The following EP400 variants were observed in gnomAD, a reference collection of about 807,000 sequenced individuals.
EP400 encodes E1A binding protein p400.
In EP400, 105 loss-of-function variants were observed where a neutral mutation model predicts 354.1. The ratio of observed to expected loss-of-function variants is 0.30; its 90% CI spans 0.25 to 0.35. EP400 has a LOEUF of 0.35. Ranked by LOEUF, EP400 falls within the 10% of genes least tolerant of loss-of-function variation. The probability of loss-of-function intolerance (pLI) is 1.00; values close to 1 mark genes in which losing one functional copy is unlikely to be tolerated. For synonymous variants in EP400, 1,646 were observed against 1,716.9 expected (o/e 0.96, Z 1.02); for missense variants, 3,280 against 4,121.0 (o/e 0.80, Z 5.59).
chr12:132,066,247 G>A (rs1895886982), intron 48 of EP400: 1 of 154,518 alleles, frequency 6.5e-6, no homozygotes, highest in Admixed American at 6.5e-5. Flanking sequence ...AGTTTGAGGA[G>A]TGTGGGTAAT....
chr12:132,053,661 C>G (rs1443011425), intron 43 of EP400, 64 bp downstream of exon 43: 3 of 1,424,462 alleles, frequency 2.1e-6, no homozygotes, highest in Non-Finnish European at 2.7e-6. Flanking sequence ...GCACTTGATT[C>G]AAGTGCTTTC....
chr12:131,985,629 C>CG (rs1187961759), intron 5 of EP400, among the ~76,000 whole-genome samples: 1 of 152,102 alleles, frequency 6.6e-6, no homozygotes, highest in Non-Finnish European at 1.5e-5. Context: ...TTTTTTGAGA[C>CG]GGAGTTTTGC....
chr12:132,062,370 C>A (rs201849116), intron 46 of EP400, 47 bp downstream of exon 46: 1 of 1,611,208 alleles, frequency 6.2e-7, no homozygotes, highest in South Asian at 1.1e-5. Flanking sequence ...TGCTCTGGCG[C>A]GTGTGAGGGC....
At position 131,982,406 on chromosome 12, in the gene EP400, A is replaced by G. The variant is rs1290132102; in HGVS notation, c.1857A>G (p.Ala619=). The change falls in exon 5 of 53, where the codon GCA becomes GCG. Residue 619 remains alanine, a synonymous_variant. Coordinates refer to ENST00000389561, the MANE Select transcript of EP400 (RefSeq NM_015409.5). Reference sequence around the variant, plus strand: ...TCCCCATCCCTCCCTCGCAGCCTGCACAGCTGGCCCTCCACGTTCCCACAC... The same window carrying G: ...TCCCCATCCCTCCCTCGCAGCCTGCGCAGCTGGCCCTCCACGTTCCCACAC... ...SQLPIPPSQP[A]QLALHVPTPG... 6.2e-7 allele frequency: 1 copy of G among 1,614,034 alleles called. No individual in the cohort carries two copies. The highest frequency in any genetic ancestry group is 8.5e-7 in the Non-Finnish European group (1 of 1,180,038).
chr12:132,025,117 G>A lies in EP400; in HGVS notation c.4856-529G>A, dbSNP rs1019325193. On this transcript the variant is annotated intron_variant, in intron 24 of 52. Coordinates refer to ENST00000389561, the MANE Select transcript of EP400 (RefSeq NM_015409.5). The surrounding 1 kb of genome is among the most constrained non-coding windows in gnomAD (Gnocchi z 4.1). ...TTTTTTGGCCCACAGAGGCTGGGTCGCTTGGTAACATCTCTGATGGCCGCC... is the reference window on the plus strand; with the variant it reads ...TTTTTTGGCCCACAGAGGCTGGGTCACTTGGTAACATCTCTGATGGCCGCC... Among the ~76,000 whole-genome samples, 8 of 151,836 alleles carry A rather than the reference G, an allele frequency of 5.3e-5. No homozygotes were observed. Among genetic ancestry groups the A allele is most frequent in the Non-Finnish European group, 1.0e-4 (7 of 67,990 alleles).
At chr12:132,021,710 G>A (rs1045826080) in intron 23 of EP400, among the ~76,000 whole-genome samples, 2 of 152,218 alleles carry the variant, frequency 1.3e-5, no homozygotes, top group Non-Finnish European at 2.9e-5. Context: ...TGGGAAGGTC[G>A]CTTCCTTGCC....
chr12:132,020,127 G>A lies in EP400; in HGVS notation c.4356G>A (p.Thr1452=), dbSNP rs777784480. Reference sequence around the variant, plus strand: ...TCCCCAGCACTCACCCGCCCCGGACGGCAGCCCCCACCACGGCCTCTGCTG... The same window carrying A: ...TCCCCAGCACTCACCCGCCCCGGACAGCAGCCCCCACCACGGCCTCTGCTG... The part of the protein sequence containing the change: ...VAFPSTHPPR[T]AAPTTASAAP... Residue 1452 remains threonine (T), a synonymous_variant, in exon 22 of 53, where the codon ACG becomes ACA. Coordinates refer to ENST00000389561, the MANE Select transcript of EP400 (RefSeq NM_015409.5). 8.7e-6 allele frequency: 14 copies of A among 1,611,256 alleles called. No homozygotes were observed. In the Admixed American group the frequency reaches 1.8e-4, roughly 21 times the overall value.
chr12:131,993,293 A>G (rs941262867), intron 11 of EP400, among the ~76,000 whole-genome samples: 3 of 152,124 alleles, frequency 2.0e-5, no homozygotes, highest in Non-Finnish European at 4.4e-5. Context: ...CCAAAGTGCT[A>G]GGATTACAGG....
intron 45 of EP400, among the ~76,000 whole-genome samples, chr12:132,056,922 A>C (rs999930660): frequency 2.0e-5 from 3 of 152,218 alleles, no homozygotes; most frequent in African/African-American, 7.2e-5. Flanking sequence ...TAACAGATAA[A>C]TACCTGAAAA....
intron 1 of EP400, among the ~76,000 whole-genome samples, chr12:131,955,141 CTA>C (rs756005628): frequency 9.9e-5 from 15 of 152,256 alleles, no homozygotes; most frequent in Middle Eastern, 3.4e-3. Flanking sequence ...GATACCTGTA[CTA>C]TGTTTTTGAG....
intron 47 of EP400, among the ~76,000 whole-genome samples, chr12:132,064,365 A>G (rs1319102023): frequency 1.3e-5 from 2 of 152,226 alleles, no homozygotes; most frequent in African/African-American, 2.4e-5. Context: ...TGAACTTCAA[A>G]TAAGTTTGGT....
chr12:132,043,649 C>A lies in EP400; in HGVS notation c.6371C>A (p.Thr2124Lys). The A allele has an allele frequency of 6.2e-7, 1 of 1,610,178 alleles. No individual in the cohort carries two copies. Among genetic ancestry groups the A allele is most frequent in the Non-Finnish European group, 8.5e-7 (1 of 1,178,948 alleles). The change falls in exon 34 of 53, where the codon ACA (threonine) becomes AAA (lysine). Residue 2124 changes from threonine (T) to lysine (K), a missense_variant. Around this residue, in one of 20 missense-constraint regions of EP400, gnomAD observed 5 missense variants for 18.9 expected, o/e 0.26. Transcript: ENST00000389561. Reference protein sequence around the residue: ...EELADFMEQLTPIEKYALNYL... With the variant: ...EELADFMEQLKPIEKYALNYL... The stretch of plus-strand genomic sequence containing the variant: ...AAAAATATACTTTTGGAACAGCTTA[C>A]ACCAATTGAAAAATATGCTTTAAAT...
chr12:131,974,497 T>C (rs993584485), intron 2 of EP400, among the ~76,000 whole-genome samples: 7 of 152,246 alleles, frequency 4.6e-5, no homozygotes, highest in African/African-American at 1.4e-4. Flanking sequence ...TCTTAATTTC[T>C]ACCTTCAGAA....
At chr12:131,976,901 C>G (rs1447487816) in intron 2 of EP400, among the ~76,000 whole-genome samples, 1 of 152,090 alleles carries the variant, frequency 6.6e-6, no homozygotes, top group Non-Finnish European at 1.5e-5. Context: ...GTCTCTTGCT[C>G]TTTGTCCTCT....
chr12:132,038,009 G>T lies in EP400; in HGVS notation c.6120G>T (p.Pro2040=), dbSNP rs997030576. The change falls in exon 32 of 53, where the codon CCG becomes CCT. Residue 2040 remains proline, a synonymous_variant. Transcript: ENST00000389561. The surrounding 1 kb of genome is among the most constrained non-coding windows in gnomAD (Gnocchi z 4.2). Reference sequence around the variant, plus strand: ...CTCCCATGGATGATGCTGGCTTCCCGGTCAAAGCTGAGGAGTTTGTGGTGC... The same window carrying T: ...CTCCCATGGATGATGCTGGCTTCCCTGTCAAAGCTGAGGAGTTTGTGGTGC... ...VYSPMDDAGF[P]VKAEEFVVLS... 3.1e-6 allele frequency: 5 copies of T among 1,614,052 alleles called. No homozygotes were observed. In the African/African-American group the frequency reaches 5.3e-5, roughly 17 times the overall value.
At chr12:131,957,493 A>T (rs1593308019) in intron 1 of EP400, among the ~76,000 whole-genome samples, 1 of 142,906 alleles carries the variant, frequency 7.0e-6, no homozygotes. Flanking sequence ...CCTGTCACCT[A>T]CCAGAAGGAA....
chr12:132,026,484 T>C (rs1894308073), intron 25 of EP400, among the ~76,000 whole-genome samples: 1 of 152,160 alleles, frequency 6.6e-6, no homozygotes, highest in South Asian at 2.1e-4. Flanking sequence ...GCTGCAAGGC[T>C]GGAGTGGGGA....
At position 131,970,831 on chromosome 12, in the gene EP400, A is replaced by G. The variant is rs148281789; in HGVS notation, c.1336-8863A>G. 7.1e-3 allele frequency among the ~76,000 whole-genome samples: 1,083 copies of G among 152,358 alleles called. 35 individuals carry two copies. The South Asian group carries it at 0.093, about 13-fold the overall frequency. On this transcript the variant is annotated intron_variant, in intron 2 of 52. Transcript: ENST00000389561. ...GATTACCGCAATCAAATTAATTAAC[A>G]GTTACCCTTGTTTTGTTTTGTTTGG...
At chr12:132,004,253 G>A (rs1404458850) in intron 12 of EP400, among the ~76,000 whole-genome samples, 1 of 152,182 alleles carries the variant, frequency 6.6e-6, no homozygotes, top group Non-Finnish European at 1.5e-5. Flanking sequence ...TTTTAAGGTG[G>A]TTGATAATTT....
Sources: allele counts gnomAD v4.1 joint callset (sites outside exome capture counted in the v4.1 genomes callset), GRCh38; gene constraint gnomAD v4.1.1; regional missense constraint gnomAD v4.1.1; non-coding constraint Gnocchi (gnomAD v3.1); transcripts MANE v1.5; gene names NCBI Gene and HGNC (gene_info 2026-07-23, HGNC 2026-07-21).